PDLIM5: variants seen among roughly 807,000 people sequenced by gnomAD.
The protein encoded by PDLIM5 is PDZ and LIM domain 5.
In PDLIM5, 34 loss-of-function variants were observed where a neutral mutation model predicts 64.2. That is an observed-to-expected ratio of 0.53 (90% CI 0.40 to 0.71). The LOEUF (loss-of-function observed/expected upper bound fraction) is 0.71. Ranked by LOEUF, PDLIM5 falls within the 30% of genes least tolerant of loss-of-function variation. PDLIM5 has a pLI of 0.00. For missense variants in PDLIM5, 683 were observed against 733.6 expected, an observed-to-expected ratio of 0.93 and a Z score of 0.80; for synonymous variants, 253 against 269.1, an observed-to-expected ratio of 0.94 and a Z score of 0.59.
chr4:94,530,606 A>C (rs1278950741), intron 3 of PDLIM5, among the ~76,000 whole-genome samples: 1 of 149,258 alleles, frequency 6.7e-6, no homozygotes, highest in African/African-American at 2.5e-5. Context: ...TGGTTTTTTA[A>C]AATTTTTGTT....
chr4:94,505,088 A>G (rs1341445843), intron 2 of PDLIM5, among the ~76,000 whole-genome samples: 3 of 152,184 alleles, frequency 2.0e-5, no homozygotes, highest in South Asian at 2.1e-4. Context: ...ACTTCTGACA[A>G]TAGACATGTG....
At position 94,485,849 on chromosome 4, in the gene PDLIM5, C is replaced by CAAA. The variant is rs10637280; in HGVS notation, c.96+30480_96+30482dup. ...TAGGTGACAGAGTGAGACTCCGTCT[C>CAAA]AAAAAAAAAAAAAAAAAGAAAAAGA... On this transcript the variant is annotated intron_variant, in intron 2 of 12. Coordinates refer to ENST00000317968, the MANE Select transcript of PDLIM5 (RefSeq NM_006457.5). Among the ~76,000 whole-genome samples, 916 of 100,162 alleles carry CAAA rather than the reference C, an allele frequency of 9.1e-3. 15 individuals carry two copies. Among genetic ancestry groups the CAAA allele is most frequent in the African/African-American group, 0.032 (849 of 26,562 alleles). 65.7% of individuals were successfully genotyped at this position (100,162 alleles called of 152,430 possible). A position where few individuals can be genotyped will look rare whatever the true frequency, so the allele number is the denominator to read the frequency against.
At chr4:94,453,914 G>A (rs1365324399) in intron 1 of PDLIM5, among the ~76,000 whole-genome samples, 1 of 151,916 alleles carries the variant, frequency 6.6e-6, no homozygotes, top group Non-Finnish European at 1.5e-5. Flanking sequence ...AAGCTGTTTC[G>A]GTTTCTGATA....
At chr4:94,618,500 G>A (rs531462510) in intron 8 of PDLIM5, among the ~76,000 whole-genome samples, 1 of 152,226 alleles carries the variant, frequency 6.6e-6, no homozygotes, top group Non-Finnish European at 1.5e-5. Flanking sequence ...CTATATTGTT[G>A]GAAGGTTATC....
chr4:94,587,956 GC>G, intron 7 of PDLIM5: 1 of 981,036 alleles, frequency 1.0e-6, no homozygotes, highest in Non-Finnish European at 1.2e-6. Context: ...AAACTACTGT[GC>G]ACTGCTGCTA....
intron 7 of PDLIM5, among the ~76,000 whole-genome samples, chr4:94,611,525 T>G (rs1199701711): frequency 6.6e-6 from 1 of 152,240 alleles, no homozygotes; most frequent in African/African-American, 2.4e-5. Flanking sequence ...TATATTAGAA[T>G]CCTCAAATGT....
chr4:94,516,894 ATGTAGTTGAATAGCATT>A (rs1462994007), intron 2 of PDLIM5, among the ~76,000 whole-genome samples: 3 of 152,182 alleles, frequency 2.0e-5, no homozygotes, highest in African/African-American at 7.2e-5. Flanking sequence ...GACATTTTAA[ATGTAGTTGAATAGCATT>A]TGTAGACTGC....
chr4:94,599,045 T>C (rs2110345567), intron 7 of PDLIM5, among the ~76,000 whole-genome samples: 2 of 152,306 alleles, frequency 1.3e-5, no homozygotes, highest in South Asian at 4.1e-4. Context: ...GCCAGATTAT[T>C]GACTGCCTTG....
intron 8 of PDLIM5, among the ~76,000 whole-genome samples, chr4:94,625,951 A>G (rs569907404): frequency 4.6e-5 from 7 of 152,254 alleles, no homozygotes. Context: ...ATGTAAAAAC[A>G]AAAGTTTATG....
At position 94,575,635 on chromosome 4, in the gene PDLIM5, T is replaced by G; in HGVS notation, c.311T>G (p.Val104Gly). Residue 104 changes from valine to glycine, a missense_variant, in exon 5 of 13, where the codon GTT becomes GGT. By Grantham distance (109) the Val-to-Gly change is moderately radical. Coordinates refer to ENST00000317968, the MANE Select transcript of PDLIM5 (RefSeq NM_006457.5). ...PVQKGEPKEV[V>G]KPVPITSPAV... ...ACATAGGGAGAACCTAAAGAAGTAG[T>G]TAAACCTGTGCCCATTACATCTCCT... The G allele has an allele frequency of 6.3e-7, 1 of 1,588,606 alleles. No homozygotes were observed. The highest frequency in any genetic ancestry group is 1.7e-4 in the Middle Eastern group (1 of 5,924).
At chr4:94,518,864 G>A (rs970267070) in intron 2 of PDLIM5, among the ~76,000 whole-genome samples, 5 of 151,952 alleles carry the variant, frequency 3.3e-5, no homozygotes, top group Non-Finnish European at 5.9e-5. Flanking sequence ...TTCTATACCG[G>A]TACTCTTCTT....
chr4:94,587,771 AT>A, intron 7 of PDLIM5: 1 of 960,404 alleles, frequency 1.0e-6, no homozygotes, highest in African/African-American at 1.8e-5. Flanking sequence ...TGCAAATCCT[AT>A]TTCCTATCAA....
chr4:94,625,414 G>A (rs946957945), intron 8 of PDLIM5, among the ~76,000 whole-genome samples: 4 of 151,534 alleles, frequency 2.6e-5, no homozygotes, highest in Admixed American at 1.3e-4. Flanking sequence ...ATATTATGGC[G>A]ATATACTCAA....
chr4:94,598,196 A>G (rs907760048), intron 7 of PDLIM5, among the ~76,000 whole-genome samples: 11 of 152,178 alleles, frequency 7.2e-5, no homozygotes, highest in Non-Finnish European at 1.2e-4. Flanking sequence ...TACATGTTCA[A>G]TAACCAATAA....
chr4:94,550,984 G>T (rs1016261575), intron 3 of PDLIM5, among the ~76,000 whole-genome samples: 3 of 152,020 alleles, frequency 2.0e-5, no homozygotes, highest in African/African-American at 7.2e-5. Context: ...ATAAAAGCTT[G>T]AACTTAACAT....
At chr4:94,577,581 CT>C (rs11349007) in intron 5 of PDLIM5, among the ~76,000 whole-genome samples, 43,829 of 106,874 alleles carry the variant, frequency 0.41, 7,176 homozygotes, top group South Asian at 0.67. Context: ...TGGTCGTAAT[CT>C]TTTTTTTTTT....
chr4:94,607,795 AC>A (rs1738047444), intron 7 of PDLIM5, among the ~76,000 whole-genome samples: 1 of 152,074 alleles, frequency 6.6e-6, no homozygotes, highest in Non-Finnish European at 1.5e-5. Flanking sequence ...GGGAATTTCC[AC>A]CTCCTTTTCC....
chr4:94,622,407 C>T (rs1199086207), intron 8 of PDLIM5, among the ~76,000 whole-genome samples: 2 of 152,114 alleles, frequency 1.3e-5, no homozygotes, highest in Non-Finnish European at 2.9e-5. Flanking sequence ...CATGAAGAGC[C>T]TTTCTGTGTT....
intron 2 of PDLIM5, among the ~76,000 whole-genome samples, chr4:94,500,898 C>T (rs1467166953): frequency 6.6e-6 from 1 of 152,032 alleles, no homozygotes; most frequent in African/African-American, 2.4e-5. Flanking sequence ...GTCCTCCTAT[C>T]TCAAGTTTCC....
Sources: gnomAD v4.1 joint callset for allele counts (sites outside exome capture counted in the v4.1 genomes callset) on GRCh38, gnomAD v4.1.1 for gene constraint, MANE v1.5 for transcripts, NCBI Gene and HGNC (gene_info 2026-07-23, HGNC 2026-07-21) for gene names.